The following PDGFRB variants were observed in gnomAD, a reference collection of about 807,000 sequenced individuals.
The protein encoded by PDGFRB is platelet-derived growth factor receptor beta.
In PDGFRB, 42 loss-of-function variants were observed where a neutral mutation model predicts 120.2. The ratio of observed to expected loss-of-function variants is 0.35; its 90% CI spans 0.27 to 0.45. PDGFRB has a LOEUF of 0.45. PDGFRB is among the 20% of genes least tolerant of loss of function. The probability of loss-of-function intolerance (pLI) is 1.00; values close to 1 mark genes in which losing one functional copy is unlikely to be tolerated. For missense variants in PDGFRB, 1,149 were observed against 1,476.3 expected, an observed-to-expected ratio of 0.78 and a Z score of 3.63; for synonymous variants, 586 against 606.8, an observed-to-expected ratio of 0.97 and a Z score of 0.50.
intron 10 of PDGFRB, among the ~76,000 whole-genome samples, chr5:150,127,569 C>T (rs1356320072): frequency 6.6e-6 from 1 of 152,164 alleles, no homozygotes; most frequent in Non-Finnish European, 1.5e-5. Flanking sequence ...GGTGCAGTGG[C>T]TCATGCCTGT....
At position 150,125,484 on chromosome 5, in the gene PDGFRB, C is replaced by T. The variant is rs1323185629; in HGVS notation, c.1768G>A (p.Asp590Asn). 6.2e-7 allele frequency: 1 copy of T among 1,613,444 alleles called. No individual in the cohort carries two copies. The highest frequency in any genetic ancestry group is 1.3e-5 in the African/African-American group (1 of 74,930). ...TCCCGCGGCAGCTCCCACGTGGAGT[C>T]ATAGGGCAGCTGCATGGGGTCCACG... ...IYVDPMQLPY[D>N]STWELPRDQL... Residue 590 changes from aspartate to asparagine, a missense_variant, in exon 12 of 23, where the codon GAC (aspartate) becomes AAC (asparagine). This residue lies in a region of PDGFRB where 879 missense variants were observed against 1,108.6 expected (regional missense o/e 0.79). Coordinates refer to ENST00000261799, the MANE Select transcript of PDGFRB (RefSeq NM_002609.4).
Position 150,142,141 on chromosome 5 carries a change from C to T in PDGFRB, c.-6-5088G>A, listed in dbSNP as rs138450112. Among the ~76,000 whole-genome samples the T allele has an allele frequency of 2.4e-3, 359 of 152,240 alleles. 8 individuals are homozygous for T. In the East Asian group the frequency reaches 0.042, roughly 18 times the overall value. ...TATCTGATCTAACTGCCTTCCTGTG[C>T]TCCATTGTGCTCGTGGGGAAACTGA... On this transcript the variant is annotated intron_variant, in intron 1 of 22. Transcript: ENST00000261799.
At chr5:150,130,001 C>A (rs1562003305) in intron 9 of PDGFRB, 33 bp from the exon 10 acceptor site, 2 of 1,535,088 alleles carry the variant, frequency 1.3e-6, no homozygotes, top group South Asian at 1.1e-5. Context: ...TGGCTGCCAG[C>A]CCCTTCCCCT....
At chr5:150,137,237 C>T (rs1296831616) in intron 1 of PDGFRB, 184 bp from the exon 2 acceptor site, 3 of 568,606 alleles carry the variant, frequency 5.3e-6, no homozygotes, top group African/African-American at 3.8e-5. Flanking sequence ...AGGCTGTCTC[C>T]TCTCCATCCC....
At chr5:150,153,573 A>G (rs1261365064) in intron 1 of PDGFRB, 1 of 152,210 alleles carries the variant, frequency 6.6e-6, no homozygotes, top group Non-Finnish European at 1.5e-5. Flanking sequence ...ACTGATTTCA[A>G]AAACTTGCCA....
chr5:150,134,954 T>C lies in PDGFRB; in HGVS notation c.427A>G (p.Thr143Ala). 1 of 1,613,758 alleles carries C rather than the reference T, an allele frequency of 6.2e-7. No homozygotes were observed. The highest frequency in any genetic ancestry group is 8.5e-7 in the Non-Finnish European group (1 of 1,179,768). The change falls in exon 4 of 23, where the codon ACT (threonine) becomes GCT (alanine). Residue 143 changes from threonine (T) to alanine (A), a missense_variant. Thr to Ala is a moderately conservative substitution (Grantham distance 58, BLOSUM62 0). This residue lies in a region of PDGFRB where 879 missense variants were observed against 1,108.6 expected (regional missense o/e 0.79). Coordinates refer to ENST00000261799, the MANE Select transcript of PDGFRB (RefSeq NM_002609.4). ...EELFIFLTEITEITIPCRVTD... is the reference protein window; with the variant it reads ...EELFIFLTEIAEITIPCRVTD... ...ACTCGGCATGGAATGGTGATCTCAG[T>C]TATTTCCGTGAGAAAGATGAATAGT...
chr5:150,137,130 C>A (rs2113915250), intron 1 of PDGFRB, 77 bp from the exon 2 acceptor site: 1 of 1,256,536 alleles, frequency 8.0e-7, no homozygotes. Context: ...CTGGCTCCTG[C>A]AGAATGAGCC....
At position 150,120,780 on chromosome 5, in the gene PDGFRB, G is replaced by T; in HGVS notation, c.2586+108C>A. 9.7e-7 allele frequency: 1 copy of T among 1,035,356 alleles called. No individual in the cohort carries two copies. Among genetic ancestry groups the T allele is most frequent in the Non-Finnish European group, 1.4e-6 (1 of 692,082 alleles). The allele number at this position is 1,035,356 out of a possible 1,614,324, so 64.1% of individuals were successfully genotyped here. A position where few individuals can be genotyped will look rare whatever the true frequency, so the allele number is the denominator to read the frequency against. On this transcript the variant is annotated intron_variant, in intron 18 of 22. Coordinates refer to ENST00000261799, the MANE Select transcript of PDGFRB (RefSeq NM_002609.4). This position sits in a 1 kb window ranked among gnomAD's most constrained non-coding sequence, Gnocchi z 4.3. Reference sequence around the variant, plus strand: ...CTGCTGTCAGGGCAGGCCACAAGGAGCCCCACACAGATTTCCTATGAGCTG... The same window carrying T: ...CTGCTGTCAGGGCAGGCCACAAGGATCCCCACACAGATTTCCTATGAGCTG...
chr5:150,145,247 G>C (rs553906543), intron 1 of PDGFRB, among the ~76,000 whole-genome samples: 9 of 152,270 alleles, frequency 5.9e-5, no homozygotes, highest in Admixed American at 3.3e-4. Flanking sequence ...TTACTTTATT[G>C]TAAGAACATA....
Position 150,121,300 on chromosome 5 carries a change from T to G in PDGFRB, c.2367A>C (p.Ala789=), listed in dbSNP as rs761934491. Residue 789 remains alanine (A), a synonymous_variant, in exon 17 of 23, where the codon GCA becomes GCC. Coordinates refer to ENST00000261799, the MANE Select transcript of PDGFRB (RefSeq NM_002609.4). The surrounding 1 kb of genome is among the most constrained non-coding windows in gnomAD (Gnocchi z 4.1). ...VPSAPERTCR[A]TLINESPVLS... is the part of the protein sequence containing the mutation. ...GCACTGGAGACTCGTTGATCAAAGT[T>G]GCTCGGCAGGTCCTCTCAGGGGCTA... 6.3e-7 allele frequency: 1 copy of G among 1,591,306 alleles called. No individual in the cohort carries two copies. The highest frequency in any genetic ancestry group is 1.7e-5 in the Admixed American group (1 of 59,982).
rs2113893187 is a variant in PDGFRB at position 150,123,185 on chromosome 5, G to A, written c.2040C>T (p.Ile680=). The change falls in exon 15 of 23, where the codon ATC becomes ATT. Residue 680 remains isoleucine (I), a synonymous_variant. Transcript: ENST00000261799. ...ACTKGGPIYI[I]TEYCRYGDLV... ...GGTCTCCGTAGCGGCAGTACTCAGT[G>A]ATGATATAGATGGGTCCTGCAGAGG... The A allele has an allele frequency of 6.2e-7, 1 of 1,613,378 alleles. No homozygotes were observed. Among genetic ancestry groups the A allele is most frequent in the Non-Finnish European group, 8.5e-7 (1 of 1,179,730 alleles).
intron 1 of PDGFRB, 100 bp downstream of exon 1, chr5:150,155,297 C>CTTTTTTTTTTT (rs35505256): frequency 8.4e-6 from 1 of 119,542 alleles, no homozygotes; most frequent in African/African-American, 3.7e-5. Flanking sequence ...AATATCTTCC[C>CTTTTTTTTTTT]TTTTTTTTTT....
chr5:150,134,478 C>T (rs1760565346), intron 4 of PDGFRB, among the ~76,000 whole-genome samples: 1 of 152,208 alleles, frequency 6.6e-6, no homozygotes, highest in South Asian at 2.1e-4. Context: ...GGATTTCGAC[C>T]CAGCTGGCTC....
In PDGFRB at chr5:150,141,722, A is replaced by G. The variant is rs546460689; in HGVS notation, c.-6-4669T>C. Among the ~76,000 whole-genome samples, 2 of 152,256 alleles carry G rather than the reference A, an allele frequency of 1.3e-5. 1 individual carries two copies. The highest frequency in any genetic ancestry group is 4.1e-4 in the South Asian group (2 of 4,828). On this transcript the variant is annotated intron_variant, in intron 1 of 22. Transcript: ENST00000261799. ...TGGAGAGGGAGGTATGCACCTCTGT[A>G]TCTGGCTTGGAATACTGGGAGGCAG...
At position 150,119,544 on chromosome 5, in the gene PDGFRB, C is replaced by A; in HGVS notation, c.2721G>T (p.Leu907=). The part of the protein sequence containing the change: ...FTLGGTPYPE[L]PMNEQFYNAI... ...CATTGTAGAACTGCTCGTTCATGGG[C>A]AGCTCTGGGTAAGGGGTGCCACCTG... Residue 907 remains leucine (L), a synonymous_variant, in exon 20 of 23, where the codon CTG becomes CTT. Transcript: ENST00000261799. The A allele has an allele frequency of 6.2e-7, 1 of 1,612,500 alleles. No homozygotes were observed. Among genetic ancestry groups the A allele is most frequent in the African/African-American group, 1.3e-5 (1 of 75,004 alleles).
chr5:150,135,823 G>C lies in PDGFRB; in HGVS notation c.96C>G (p.Gly32=), dbSNP rs1157577573. 5 of 1,559,710 alleles carry C rather than the reference G, an allele frequency of 3.2e-6. No homozygotes were observed. The South Asian group carries it at 6.1e-5, about 19-fold the overall frequency. The stretch of plus-strand genomic sequence containing the variant: ...CTGGCCCCGGGGGTGTGACGACCAG[G>C]CCCTGAGAGATCTGTGGTTCCAGAA... The part of the protein sequence containing the change: ...LLLLEPQISQ[G]LVVTPPGPEL... Residue 32 remains glycine, a synonymous_variant, in exon 3 of 23, where the codon GGC becomes GGG. Transcript: ENST00000261799.
Position 150,124,383 on chromosome 5 carries a change from G to C in PDGFRB, c.1913-23C>G, listed in dbSNP as rs775916969. ...TGGCTGAGGAAAATGGGGGCCCCAG[G>C]CCAGGCCCAGTCATGGAGGCTCCAT... On this transcript the variant is annotated intron_variant, in intron 13 of 22. Coordinates refer to ENST00000261799, the MANE Select transcript of PDGFRB (RefSeq NM_002609.4). 33 of 1,558,162 alleles carry C rather than the reference G, an allele frequency of 2.1e-5. No individual in the cohort carries two copies. In the East Asian group the frequency reaches 7.4e-4, roughly 35 times the overall value.
intron 1 of PDGFRB, among the ~76,000 whole-genome samples, chr5:150,148,936 G>A (rs1014552601): frequency 6.6e-6 from 1 of 152,192 alleles, no homozygotes; most frequent in Non-Finnish European, 1.5e-5. Flanking sequence ...GGAGAGATCT[G>A]TTGGGCTAGA....
chr5:150,122,460 G>C (rs1241248981), intron 15 of PDGFRB, among the ~76,000 whole-genome samples: 1 of 152,216 alleles, frequency 6.6e-6, no homozygotes, highest in African/African-American at 2.4e-5. Flanking sequence ...ACACACATCT[G>C]TCTCTATAGG....
Sources: gnomAD v4.1 joint callset for allele counts (sites outside exome capture counted in the v4.1 genomes callset) on GRCh38, gnomAD v4.1.1 for gene constraint, gnomAD v4.1.1 regional missense constraint, Gnocchi (gnomAD v3.1) non-coding constraint, MANE v1.5 for transcripts, NCBI Gene and HGNC (gene_info 2026-07-23, HGNC 2026-07-21) for gene names.